IFNL2: variants seen among roughly 807,000 people sequenced by gnomAD.
The protein encoded by IFNL2 is interferon lambda 2, also known as interferon lambda-2.
IFNL2 carries 17 observed loss-of-function variants against 18.7 expected under a neutral mutation model. The observed-to-expected ratio is 0.91, with a 90% confidence interval of 0.62 to 1.36. IFNL2 has a LOEUF of 1.36. Ranked by LOEUF, IFNL2 falls within the 40% of genes most tolerant of loss-of-function variation. The pLI, the probability that IFNL2 is intolerant of heterozygous loss-of-function variation, is 0.00. For synonymous variants in IFNL2, 96 were observed against 113.4 expected, an observed-to-expected ratio of 0.85 and a Z score of 0.98; for missense variants, 225 against 257.3, an observed-to-expected ratio of 0.87 and a Z score of 0.86.
At position 39,268,927 on chromosome 19, in the gene IFNL2, C is replaced by T. The variant is rs1473317312; in HGVS notation, c.192+69C>T. On this transcript the variant is annotated intron_variant, in intron 2 of 5. Coordinates refer to ENST00000331982, the MANE Select transcript of IFNL2 (RefSeq NM_172138.2). The stretch of plus-strand genomic sequence containing the variant: ...CCACTCCAAGCGTCACCATGCTTTC[C>T]CACTCCCAGCTTCCTTCACTGGGCT... 3.2e-6 allele frequency: 5 copies of T among 1,552,096 alleles called. No individual in the cohort carries two copies. The Admixed American group carries it at 9.2e-5, about 28-fold the overall frequency.
rs200581777 is a variant in IFNL2 at position 39,269,972 on chromosome 19, C to T, written c.562C>T (p.Arg188Ter). Residue 188 changes from arginine (R) to a stop codon, truncating the protein, a stop_gained, in exon 6 of 6, where the codon CGA (arginine) becomes TGA (stop). Transcript: ENST00000331982. LOFTEE classifies it high-confidence loss of function. ...CTTCAACCTCTTCCGCCTCCTCACG[C>T]GAGACCTGAATTGTGTTGCCAGTGG... ...VTFNLFRLLT[R>*]DLNCVASGDL... 3.7e-4 allele frequency: 589 copies of T among 1,603,002 alleles called. 1 individual carries two copies. The highest frequency in any genetic ancestry group is 3.6e-3 in the Middle Eastern group (22 of 6,050).
At chr19:39,269,107 C>A (rs2075025553) in intron 2 of IFNL2, 45 bp from the exon 3 acceptor site, 1 of 1,590,426 alleles carries the variant, frequency 6.3e-7, no homozygotes, top group Non-Finnish European at 8.6e-7. Context: ...GATGGTCTAA[C>A]CTCCACCCCT....
chr19:39,268,587 C>T lies in IFNL2; in HGVS notation c.10+9C>T, dbSNP rs2075023240. On this transcript the variant is annotated intron_variant, in intron 1 of 5. Coordinates refer to ENST00000331982, the MANE Select transcript of IFNL2 (RefSeq NM_172138.2). ...ATCAGGAATGAAACTAGGTGAGTCC[C>T]ACATCTCTGTCCGTGCTCAGCTCCT... 2.5e-6 allele frequency: 4 copies of T among 1,613,132 alleles called. No homozygotes were observed. The highest frequency in any genetic ancestry group is 3.4e-6 in the Non-Finnish European group (4 of 1,179,670).
Position 39,270,164 on chromosome 19 carries a change from G to A in IFNL2, c.*151G>A. On this transcript the variant is annotated 3_prime_UTR_variant, in exon 6 of 6. Coordinates refer to ENST00000331982, the MANE Select transcript of IFNL2 (RefSeq NM_172138.2). The stretch of plus-strand genomic sequence containing the variant: ...TATTTTTCTACTTTTTATAACCCTT[G>A]TTGAAATAAACAAAGGAAAAGACAC... 2 of 916,322 alleles carry A rather than the reference G, an allele frequency of 2.2e-6. No homozygotes were observed. Among genetic ancestry groups the A allele is most frequent in the Non-Finnish European group, 1.6e-6 (1 of 609,952 alleles). The allele number at this position is 916,322 out of a possible 1,614,324, so 56.8% of individuals were successfully genotyped here. A position where few individuals can be genotyped will look rare whatever the true frequency, so the allele number is the denominator to read the frequency against.
rs1358395645 is a variant in IFNL2, at chr19:39,269,992, C to T, written c.582C>T (p.Ala194=). The change falls in exon 6 of 6, where the codon GCC becomes GCT. Residue 194 remains alanine (A), a synonymous_variant. Coordinates refer to ENST00000331982, the MANE Select transcript of IFNL2 (RefSeq NM_172138.2). Reference sequence around the variant, plus strand: ...TCACGCGAGACCTGAATTGTGTTGCCAGTGGGGACCTGTGTGTCTGACCCT... The same window carrying T: ...TCACGCGAGACCTGAATTGTGTTGCTAGTGGGGACCTGTGTGTCTGACCCT... ...RLLTRDLNCV[A]SGDLCV The T allele has an allele frequency of 2.5e-6, 4 of 1,601,106 alleles. No homozygotes were observed. Among genetic ancestry groups the T allele is most frequent in the Non-Finnish European group, 3.4e-6 (4 of 1,173,534 alleles).
rs769144371 is a variant in IFNL2, at chr19:39,269,785, C to A, written c.468C>A (p.His156Gln). The A allele has an allele frequency of 6.2e-7, 1 of 1,609,778 alleles. No individual in the cohort carries two copies. The highest frequency in any genetic ancestry group is 8.5e-7 in the Non-Finnish European group (1 of 1,178,342). The part of the protein sequence containing the change: ...TAGPRTRGRL[H>Q]HWLYRLQEAP... Reference sequence around the variant, plus strand: ...GGCCCAGGACCCGGGGCCGCCTCCACCATTGGCTGTACCGGCTCCAGGAGG... The same window carrying A: ...GGCCCAGGACCCGGGGCCGCCTCCAACATTGGCTGTACCGGCTCCAGGAGG... Residue 156 changes from histidine (H) to glutamine (Q), a missense_variant, in exon 5 of 6, where the codon CAC (histidine) becomes CAA (glutamine). Physicochemically the swap from His to Gln is conservative, Grantham distance 24. Transcript: ENST00000331982.
rs532766892 is a variant in IFNL2 at position 39,268,993 on chromosome 19, C to T, written c.192+135C>T. 608 of 1,369,796 alleles carry T rather than the reference C, an allele frequency of 4.4e-4. 2 individuals are homozygous for T. Among genetic ancestry groups the T allele is most frequent in the Non-Finnish European group, 5.8e-4 (578 of 1,003,238 alleles). The allele number at this position is 1,369,796 out of a possible 1,614,324, so 84.9% of individuals were successfully genotyped here. Reference sequence around the variant, plus strand: ...TGCAGTGGGCTATCTCATGCTCCTACTGTAGGGACTGACTCATGTTTTCCT... The same window carrying T: ...TGCAGTGGGCTATCTCATGCTCCTATTGTAGGGACTGACTCATGTTTTCCT... On this transcript the variant is annotated intron_variant, in intron 2 of 5. Transcript: ENST00000331982.
chr19:39,269,748 A>T lies in IFNL2; in HGVS notation c.431A>T (p.Gln144Leu). 1 of 1,608,748 alleles carries T rather than the reference A, an allele frequency of 6.2e-7. No homozygotes were observed. Among genetic ancestry groups the T allele is most frequent in the Non-Finnish European group, 8.5e-7 (1 of 1,178,074 alleles). Residue 144 changes from glutamine to leucine, a missense_variant, in exon 5 of 6, where the codon CAG becomes CTG. Physicochemically the swap from Gln to Leu is moderately radical, Grantham distance 113. Transcript: ENST00000331982. ...LSQFRACIQP[Q>L]PTAGPRTRGR... ...CTCCTCTGCCCACAGATCCAGCCTC[A>T]GCCCACGGCAGGGCCCAGGACCCGG...
At chr19:39,269,334 T>C (rs117789288) in intron 3 of IFNL2, 105 bp downstream of exon 3, 75,185 of 1,474,548 alleles carry the variant, frequency 0.051, 2,399 homozygotes, top group East Asian at 0.098. Context: ...TCTCTTCTCC[T>C]CACACCTGCT....
Position 39,269,666 on chromosome 19 carries a change from T to C in IFNL2, c.420+29T>C, listed in dbSNP as rs781124090. ...AGTCGTTGGGGCCTGGGCACCCAGG[T>C]CTGTGAGCTCTGAGCAGCGTCCTTC... On this transcript the variant is annotated intron_variant, in intron 4 of 5. Transcript: ENST00000331982. 7.4e-5 allele frequency: 120 copies of C among 1,612,258 alleles called. 1 individual carries two copies. Among genetic ancestry groups the C allele is most frequent in the Middle Eastern group, 1.7e-4 (1 of 6,042 alleles).
chr19:39,268,431 GAA>G lies in IFNL2; in HGVS notation c.-136_-135del. 1 of 778,970 alleles carries G rather than the reference GAA, an allele frequency of 1.3e-6. No homozygotes were observed. The highest frequency in any genetic ancestry group is 2.1e-6 in the Non-Finnish European group (1 of 475,076). The allele number at this position is 778,970 out of a possible 1,614,324, so 48.3% of individuals were successfully genotyped here. ...TCCCAGACAGAGCTCAAAACTGACA[GAA>G]AGAGTCAAAGCCAGGACACAGTCTG... On this transcript the variant is annotated 5_prime_UTR_variant, in exon 1 of 6. Coordinates refer to ENST00000331982, the MANE Select transcript of IFNL2 (RefSeq NM_172138.2).
chr19:39,268,910 A>G (rs2075024957), intron 2 of IFNL2, 52 bp downstream of exon 2: 9 of 1,579,086 alleles, frequency 5.7e-6, no homozygotes, highest in Non-Finnish European at 7.8e-6. Context: ...CCCCACTCCA[A>G]GCGTCACCAT....
chr19:39,269,305 T>C (rs1600466235), intron 3 of IFNL2, 76 bp downstream of exon 3: 1 of 1,519,082 alleles, frequency 6.6e-7, no homozygotes, highest in East Asian at 2.4e-5. Context: ...CTTCACCGTC[T>C]CTTTCTCCCT....
In IFNL2 at chr19:39,268,763, G is replaced by C. The variant is rs368918145; in HGVS notation, c.97G>C (p.Gly33Arg). The change falls in exon 2 of 6, where the codon GGG (glycine) becomes CGG (arginine). Residue 33 changes from glycine (G) to arginine (R), a missense_variant. Gly to Arg is a moderately radical substitution (Grantham distance 125). Transcript: ENST00000331982. The stretch of plus-strand genomic sequence containing the variant: ...AGCAGTTCCTGTCGCCAGGCTCCAC[G>C]GGGCTCTCCCGGATGCAAGGGGCTG... ...TGAVPVARLH[G>R]ALPDARGCHI... is the part of the protein sequence containing the mutation. 1.9e-6 allele frequency: 3 copies of C among 1,613,408 alleles called. No individual in the cohort carries two copies. Among genetic ancestry groups the C allele is most frequent in the East Asian group, 4.5e-5 (2 of 44,888 alleles).
rs757720374 is a variant in IFNL2, at chr19:39,269,243, T to A, written c.270+14T>A. The stretch of plus-strand genomic sequence containing the variant: ...AGGCAGCTGCAGGTGAGAGGGGGAG[T>A]CAGGCCCACCCCTGCTCTCCCAGCC... On this transcript the variant is annotated intron_variant, in intron 3 of 5. Transcript: ENST00000331982. 7.5e-6 allele frequency: 12 copies of A among 1,603,014 alleles called. No individual in the cohort carries two copies. The highest frequency in any genetic ancestry group is 1.0e-5 in the Non-Finnish European group (12 of 1,175,226).
At position 39,269,881 on chromosome 19, in the gene IFNL2, A is replaced by G. The variant is rs374548355; in HGVS notation, c.505-34A>G. On this transcript the variant is annotated intron_variant, in intron 5 of 5. Transcript: ENST00000331982. ...GGGAGCCACTGGGAGCCCAGAACCC[A>G]GACAGCCCCTGACCCATCCCCTCCT... 362 of 1,608,494 alleles carry G rather than the reference A, an allele frequency of 2.3e-4. 3 individuals carry two copies. Among genetic ancestry groups the G allele is most frequent in the African/African-American group, 2.1e-3 (156 of 74,838 alleles).
chr19:39,269,623 C>G lies in IFNL2; in HGVS notation c.406C>G (p.Gln136Glu), dbSNP rs199706890. Residue 136 changes from glutamine (Q) to glutamate (E), a missense_variant, in exon 4 of 6, where the codon CAG becomes GAG. Transcript: ENST00000331982. ...PLHTLHHILS[Q>E]FRACIQPQPT... ...TCACACCCTGCACCATATCCTCTCCCAGTTCCGGGCCTGTGTGAGTCGTTG... is the reference window on the plus strand; with the variant it reads ...TCACACCCTGCACCATATCCTCTCCGAGTTCCGGGCCTGTGTGAGTCGTTG... 380 of 1,614,190 alleles carry G rather than the reference C, an allele frequency of 2.4e-4. 4 individuals are homozygous for G. Among genetic ancestry groups the G allele is most frequent in the African/African-American group, 2.1e-3 (159 of 75,042 alleles).
Position 39,268,472 on chromosome 19 carries a change from G to C in IFNL2, c.-97G>C. 2.9e-5 allele frequency: 31 copies of C among 1,059,614 alleles called. No individual in the cohort carries two copies. The highest frequency in any genetic ancestry group is 4.4e-5 in the Non-Finnish European group (31 of 708,580). The allele number at this position is 1,059,614 out of a possible 1,614,324, so 65.6% of individuals were successfully genotyped here. ...GGACACAGTCTGAGATCCAGAAGAGGGGACTGAAAAGAACAGAGACTCCAG... is the reference window on the plus strand; with the variant it reads ...GGACACAGTCTGAGATCCAGAAGAGCGGACTGAAAAGAACAGAGACTCCAG... On this transcript the variant is annotated 5_prime_UTR_variant, in exon 1 of 6. Coordinates refer to ENST00000331982, the MANE Select transcript of IFNL2 (RefSeq NM_172138.2).
rs759745962 is a variant in IFNL2, at chr19:39,268,878, C to A, written c.192+20C>A. 8 of 1,603,282 alleles carry A rather than the reference C, an allele frequency of 5.0e-6. No homozygotes were observed. In the South Asian group the frequency reaches 8.9e-5, roughly 18 times the overall value. On this transcript the variant is annotated intron_variant, in intron 2 of 5. Transcript: ENST00000331982. ...GCCTTAGTGAGTCTCCCCCTGCCCTCCTGCCATGGACTAGCCTCCACCCCC... is the reference window on the plus strand; with the variant it reads ...GCCTTAGTGAGTCTCCCCCTGCCCTACTGCCATGGACTAGCCTCCACCCCC...
Sources: gnomAD v4.1 joint callset for allele counts on GRCh38, gnomAD v4.1.1 for gene constraint, MANE v1.5 for transcripts, NCBI Gene and HGNC (gene_info 2026-07-23, HGNC 2026-07-21) for gene names.